Variants in CYP19A1 observed in about 807,000 individuals in gnomAD.
The protein encoded by CYP19A1 is cytochrome P450 family 19 subfamily A member 1, also known as aromatase.
A neutral mutation model predicts 44.4 loss-of-function variants in CYP19A1; 32 were observed. The ratio of observed to expected loss-of-function variants is 0.72; its 90% CI spans 0.54 to 0.97. The LOEUF (loss-of-function observed/expected upper bound fraction) is 0.97, where lower values mean the gene tolerates loss of function less well. CYP19A1 is among the 50% of genes least tolerant of loss of function. The pLI is 0.00. For synonymous variants in CYP19A1, 212 were observed against 215.6 expected, an observed-to-expected ratio of 0.98 and a Z score of 0.14; for missense variants, 598 against 637.8, an observed-to-expected ratio of 0.94 and a Z score of 0.67.
intron 1 of CYP19A1, among the ~76,000 whole-genome samples, chr15:51,332,340 G>A (rs1037503221): frequency 9.2e-5 from 14 of 152,070 alleles, no homozygotes; most frequent in Non-Finnish European, 1.6e-4. Context: ...CCTTTAGGAC[G>A]CTTTCACTTC....
intron 1 of CYP19A1, among the ~76,000 whole-genome samples, chr15:51,303,992 T>C (rs1290157811): frequency 6.6e-6 from 1 of 152,072 alleles, no homozygotes; most frequent in African/African-American, 2.4e-5. Context: ...GTGGTGATAA[T>C]AGTGGTTTCA....
At chr15:51,283,368 T>C (rs2035592490) in intron 1 of CYP19A1, among the ~76,000 whole-genome samples, 1 of 152,100 alleles carries the variant, frequency 6.6e-6, no homozygotes, top group East Asian at 1.9e-4. Flanking sequence ...CCTGGAGCAA[T>C]TGGTGGTGCT....
chr15:51,282,922 C>T (rs985792524), intron 1 of CYP19A1, among the ~76,000 whole-genome samples: 2 of 152,158 alleles, frequency 1.3e-5, no homozygotes, highest in Admixed American at 1.3e-4. Context: ...AGTTAGTACT[C>T]AGAATTTGTT....
chr15:51,306,074 T>C (rs926485195), intron 1 of CYP19A1, among the ~76,000 whole-genome samples: 1 of 151,978 alleles, frequency 6.6e-6, no homozygotes, highest in Admixed American at 6.5e-5. Context: ...CTCTCCTCCT[T>C]AGGAGAGCAG....
intron 1 of CYP19A1, among the ~76,000 whole-genome samples, chr15:51,323,239 G>A (rs965748944): frequency 2.6e-5 from 4 of 152,140 alleles, no homozygotes; most frequent in African/African-American, 7.2e-5. Flanking sequence ...CCTTTCTCCA[G>A]CCCTCTCTCT....
At chr15:51,262,793 C>G (rs2034778601) in intron 1 of CYP19A1, among the ~76,000 whole-genome samples, 1 of 152,144 alleles carries the variant, frequency 6.6e-6, no homozygotes, top group African/African-American at 2.4e-5. Flanking sequence ...CTTGCTTTGG[C>G]CTTTGGCAGA....
chr15:51,259,953 A>G (rs1022195816), intron 1 of CYP19A1, among the ~76,000 whole-genome samples: 1 of 152,262 alleles, frequency 6.6e-6, no homozygotes, highest in African/African-American at 2.4e-5. Context: ...AAGAACACTA[A>G]ATGAATATTG....
chr15:51,245,671 G>GA (rs1389995789), intron 1 of CYP19A1, among the ~76,000 whole-genome samples: 3 of 152,182 alleles, frequency 2.0e-5, no homozygotes, highest in Admixed American at 1.3e-4. Flanking sequence ...AAATTTACAA[G>GA]AAAAAAACAA....
intron 1 of CYP19A1, among the ~76,000 whole-genome samples, chr15:51,251,666 G>A (rs1044664212): frequency 6.6e-6 from 1 of 152,232 alleles, no homozygotes; most frequent in Admixed American, 6.5e-5. Flanking sequence ...TCAGAGGGAT[G>A]TTTGCCTTCT....
intron 3 of CYP19A1, among the ~76,000 whole-genome samples, chr15:51,229,336 G>A (rs541921740): frequency 1.3e-5 from 2 of 149,094 alleles, no homozygotes; most frequent in East Asian, 3.9e-4. Flanking sequence ...GCTGCAGTGA[G>A]CCATGATCAA....
intron 1 of CYP19A1, among the ~76,000 whole-genome samples, chr15:51,301,405 T>C (rs1373157108): frequency 2.0e-5 from 3 of 152,228 alleles, no homozygotes; most frequent in African/African-American, 7.2e-5. Flanking sequence ...AGAGGCAGGC[T>C]TCATCTCATT....
At chr15:51,245,595 T>C (rs2034017305) in intron 1 of CYP19A1, among the ~76,000 whole-genome samples, 1 of 152,080 alleles carries the variant, frequency 6.6e-6, no homozygotes. Flanking sequence ...ACCTACAAAA[T>C]GGGAGAAAAT....
chr15:51,297,147 A>G (rs1236845233), intron 1 of CYP19A1, among the ~76,000 whole-genome samples: 1 of 152,206 alleles, frequency 6.6e-6, no homozygotes. Context: ...AGGATCCCAG[A>G]CCTTTAGACC....
intron 1 of CYP19A1, among the ~76,000 whole-genome samples, chr15:51,285,610 T>C (rs2035671668): frequency 6.6e-6 from 1 of 152,202 alleles, no homozygotes; most frequent in African/African-American, 2.4e-5. Context: ...TGCTGGCTCC[T>C]TGCTTCTAGC....
intron 1 of CYP19A1, among the ~76,000 whole-genome samples, chr15:51,254,259 T>TA (rs2034433940): frequency 6.7e-6 from 1 of 148,988 alleles, no homozygotes; most frequent in Non-Finnish European, 1.5e-5. Context: ...GCAAATAATT[T>TA]TAAAATTTTT....
intron 2 of CYP19A1, among the ~76,000 whole-genome samples, chr15:51,241,824 G>T (rs1265772430): frequency 3.3e-5 from 5 of 152,146 alleles, no homozygotes; most frequent in South Asian, 4.1e-4. Context: ...TATCTGGAAT[G>T]TTAAAAAGAA....
chr15:51,261,631 C>T (rs966731440), intron 1 of CYP19A1, among the ~76,000 whole-genome samples: 3 of 152,192 alleles, frequency 2.0e-5, no homozygotes, highest in South Asian at 2.1e-4. Flanking sequence ...CATAAGCACT[C>T]GTGTTGCATA....
chr15:51,296,939 A>G (rs2036006882), intron 1 of CYP19A1, among the ~76,000 whole-genome samples: 2 of 152,218 alleles, frequency 1.3e-5, no homozygotes, highest in Non-Finnish European at 2.9e-5. Flanking sequence ...GCTTTCCCAG[A>G]TAGGATTTAC....
intron 1 of CYP19A1, chr15:51,313,312 A>G (rs937311697): frequency 6.6e-6 from 1 of 152,238 alleles, no homozygotes; most frequent in Non-Finnish European, 1.5e-5. Flanking sequence ...ATCAAAGCTG[A>G]GTAGTCTTGG....
Sources: allele counts gnomAD v4.1 joint callset (sites outside exome capture counted in the v4.1 genomes callset), GRCh38; gene constraint gnomAD v4.1.1; transcripts MANE v1.5; gene names NCBI Gene and HGNC (gene_info 2026-07-23, HGNC 2026-07-21).